The following PTPRT variants were observed in gnomAD, a reference collection of about 807,000 sequenced individuals.
The protein encoded by PTPRT is protein tyrosine phosphatase receptor type T, also known as receptor-type tyrosine-protein phosphatase T.
Under a neutral mutation model 176.8 loss-of-function variants are expected in PTPRT, and 56 were observed. That is an observed-to-expected ratio of 0.32 (90% CI 0.26 to 0.40). The LOEUF (loss-of-function observed/expected upper bound fraction) is 0.40. Among genes scored for constraint, PTPRT ranks in the 10% least tolerant of loss-of-function variants. The pLI, the probability that PTPRT is intolerant of heterozygous loss-of-function variation, is 1.00. For missense variants in PTPRT, 1,540 were observed against 1,908.2 expected (o/e 0.81, Z 3.60); for synonymous variants, 783 against 739.0 (o/e 1.06, Z -0.96).
intron 1 of PTPRT, among the ~76,000 whole-genome samples, chr20:43,071,733 CA>C (rs1264969336): frequency 1.3e-5 from 2 of 152,196 alleles, no homozygotes; most frequent in African/African-American, 4.8e-5. Context: ...TGCAGTGAGC[CA>C]AGATCGTGCC....
intron 1 of PTPRT, among the ~76,000 whole-genome samples, chr20:42,987,575 G>A (rs1983669911): frequency 6.6e-6 from 1 of 151,926 alleles, no homozygotes; most frequent in African/African-American, 2.4e-5. Context: ...CACCCACCCT[G>A]TCTTCAGTTC....
chr20:42,755,771 C>T (rs1196234302), intron 6 of PTPRT, among the ~76,000 whole-genome samples: 1 of 152,112 alleles, frequency 6.6e-6, no homozygotes, highest in Non-Finnish European at 1.5e-5. Flanking sequence ...AAAAACAAGA[C>T]ACGTGGAATT....
intron 11 of PTPRT, among the ~76,000 whole-genome samples, chr20:42,343,928 C>T (rs185215483): frequency 2.6e-5 from 4 of 152,352 alleles, no homozygotes; most frequent in Non-Finnish European, 5.9e-5. Flanking sequence ...GAGACGGAGT[C>T]TCGCTCTGTC....
chr20:42,151,591 A>C (rs980372008), intron 17 of PTPRT, among the ~76,000 whole-genome samples: 1 of 152,196 alleles, frequency 6.6e-6, no homozygotes, highest in Non-Finnish European at 1.5e-5. Flanking sequence ...TATTATAAAT[A>C]GTGCTGCAGT....
intron 7 of PTPRT, among the ~76,000 whole-genome samples, chr20:42,474,756 T>C (rs553663417): frequency 1.3e-5 from 2 of 152,254 alleles, no homozygotes; most frequent in African/African-American, 2.4e-5. Flanking sequence ...GAGCAATAAA[T>C]GGCTTGCCTG....
At chr20:42,051,778 T>C in the PTPRT span, among the ~76,000 whole-genome samples, 1 of 152,240 alleles carries the variant, frequency 6.6e-6, no homozygotes, top group East Asian at 1.9e-4. Flanking sequence ...TACATCCGAC[T>C]GAAGTCACAG....
In PTPRT at chr20:43,094,188, C is replaced by T. The variant is rs576966168; in HGVS notation, c.88+95458G>A. Among the ~76,000 whole-genome samples, 4 of 149,402 alleles carry T rather than the reference C, an allele frequency of 2.7e-5. No individual in the cohort carries two copies. The East Asian group carries it at 6.0e-4, about 22-fold the overall frequency. On this transcript the variant is annotated intron_variant, in intron 1 of 30. Coordinates refer to ENST00000373187, the MANE Select transcript of PTPRT (RefSeq NM_007050.6). The stretch of plus-strand genomic sequence containing the variant: ...CTGCAACGTCCACCTCCCGGGTTCA[C>T]GCCATTCTCCTGCCTCAGCCTCCCG...
chr20:42,249,857 T>C (rs1479275515), intron 13 of PTPRT, among the ~76,000 whole-genome samples: 2 of 152,212 alleles, frequency 1.3e-5, no homozygotes, highest in Admixed American at 1.3e-4. Flanking sequence ...ATTTCAGACA[T>C]TCTAGAGAGT....
At chr20:42,697,354 C>T (rs2075897463) in intron 6 of PTPRT, among the ~76,000 whole-genome samples, 1 of 152,224 alleles carries the variant, frequency 6.6e-6, no homozygotes. Flanking sequence ...ATTTGGTTAA[C>T]CCAGTGTTTT....
chr20:42,798,898 G>A (rs1264092705), intron 2 of PTPRT, among the ~76,000 whole-genome samples: 1 of 151,980 alleles, frequency 6.6e-6, no homozygotes, highest in Non-Finnish European at 1.5e-5. Context: ...CTGGTGGAGA[G>A]GCTCTGCTAA....
chr20:42,373,961 G>A (rs1428202600), intron 9 of PTPRT, among the ~76,000 whole-genome samples: 1 of 152,226 alleles, frequency 6.6e-6, no homozygotes, highest in Non-Finnish European at 1.5e-5. Context: ...AGGCCAGAGG[G>A]TGCTGGGGTG....
At chr20:42,501,273 A>G (rs748114971) in intron 7 of PTPRT, among the ~76,000 whole-genome samples, 5 of 152,198 alleles carry the variant, frequency 3.3e-5, no homozygotes, top group Non-Finnish European at 5.9e-5. Context: ...TGTTTTAAGT[A>G]ACATTACTTC....
intron 15 of PTPRT, among the ~76,000 whole-genome samples, chr20:42,203,146 C>G (rs1328684491): frequency 1.3e-5 from 2 of 152,028 alleles, no homozygotes; most frequent in African/African-American, 4.8e-5. Flanking sequence ...GCAAAGACAG[C>G]TACAAGGTGG....
chr20:42,618,153 T>A lies in PTPRT; in HGVS notation c.1153+59713A>T, dbSNP rs866121074. On this transcript the variant is annotated intron_variant, in intron 7 of 30. Transcript: ENST00000373187. ...TGGTATGTCGTGTCTTTGTTCTCGT[T>A]GGTTTCAAAGAACATCTTTATTTCT... 9.1e-5 allele frequency among the ~76,000 whole-genome samples: 12 copies of A among 131,790 alleles called. 5 individuals are homozygous for A. The highest frequency in any genetic ancestry group is 4.2e-4 in the African/African-American group (12 of 28,362). 86.5% of individuals were successfully genotyped at this position (131,790 alleles called of 152,430 possible). A position where few individuals can be genotyped will look rare whatever the true frequency, so the allele number is the denominator to read the frequency against.
Position 42,080,950 on chromosome 20 carries a change from G to A in PTPRT, c.4273-18C>T, listed in dbSNP as rs771095382. 3 of 1,563,300 alleles carry A rather than the reference G, an allele frequency of 1.9e-6. No homozygotes were observed. Among genetic ancestry groups the A allele is most frequent in the Non-Finnish European group, 2.6e-6 (3 of 1,134,594 alleles). Reference sequence around the variant, plus strand: ...TACTGTTCCTGAGAGGCGGAGAGGAGCAGAGGCAGAGAGGGAGAAGAGGAG... The same window carrying A: ...TACTGTTCCTGAGAGGCGGAGAGGAACAGAGGCAGAGAGGGAGAAGAGGAG... On this transcript the variant is annotated intron_variant, in intron 30 of 30. Coordinates refer to ENST00000373187, the MANE Select transcript of PTPRT (RefSeq NM_007050.6).
At chr20:42,490,163 A>G (rs1399370684) in intron 7 of PTPRT, among the ~76,000 whole-genome samples, 1 of 152,198 alleles carries the variant, frequency 6.6e-6, no homozygotes, top group Admixed American at 6.5e-5. Context: ...AGATTCATGT[A>G]TGGAAGGGTA....
At chr20:42,095,757 T>G (rs535597659) in intron 27 of PTPRT, among the ~76,000 whole-genome samples, 2 of 152,318 alleles carry the variant, frequency 1.3e-5, no homozygotes, top group Admixed American at 1.3e-4. Context: ...CAATTTTTTT[T>G]TATGCCTCGC....
At position 42,075,921 on chromosome 20, in the gene PTPRT, T is replaced by G. The variant is rs555774056; in HGVS notation, c.*4958A>C. 1.9e-5 allele frequency: 4 copies of G among 212,820 alleles called. No individual in the cohort carries two copies. In the East Asian group the frequency reaches 2.1e-4, roughly 11 times the overall value. The allele number at this position is 212,820 out of a possible 1,614,324, so 13.2% of individuals were successfully genotyped here. On this transcript the variant is annotated 3_prime_UTR_variant, in exon 31 of 31. Transcript: ENST00000373187. ...AGCTGTTACCCATCCTTTCTCCAGCTATGTCACAGAAGTGACCATTTTGCT... is the reference window on the plus strand; with the variant it reads ...AGCTGTTACCCATCCTTTCTCCAGCGATGTCACAGAAGTGACCATTTTGCT...
At chr20:42,341,136 T>G (rs1251684048) in intron 11 of PTPRT, among the ~76,000 whole-genome samples, 1 of 152,180 alleles carries the variant, frequency 6.6e-6, no homozygotes, top group Admixed American at 6.5e-5. Context: ...TATTTGATCA[T>G]CTTATTCTCC....
Sources: allele counts gnomAD v4.1 joint callset (sites outside exome capture counted in the v4.1 genomes callset), GRCh38; gene constraint gnomAD v4.1.1; transcripts MANE v1.5; gene names NCBI Gene and HGNC (gene_info 2026-07-23, HGNC 2026-07-21).